Variants in ZNF277 observed in about 807,000 individuals in gnomAD.
The protein encoded by ZNF277 is zinc finger protein 277.
ZNF277 carries 55 observed loss-of-function variants against 60.7 expected under a neutral mutation model. That is an observed-to-expected ratio of 0.91 (90% CI 0.73 to 1.13). ZNF277 has a LOEUF of 1.13. Ranked by LOEUF, ZNF277 falls within the 50% of genes most tolerant of loss-of-function variation. ZNF277 has a pLI of 0.00. For missense variants in ZNF277, 510 were observed against 523.0 expected, an observed-to-expected ratio of 0.98 and a Z score of 0.24; for synonymous variants, 178 against 179.3, an observed-to-expected ratio of 0.99 and a Z score of 0.06.
At chr7:112,262,247 C>CAAAAAAAAA (rs376386868) in intron 1 of ZNF277, among the ~76,000 whole-genome samples, 1 of 77,674 alleles carries the variant, frequency 1.3e-5, no homozygotes, top group Admixed American at 1.4e-4. Flanking sequence ...AAAAGCAATA[C>CAAAAAAAAA]AAAAAAAAAA....
At chr7:112,245,091 A>G (rs1371939328) in intron 1 of ZNF277, among the ~76,000 whole-genome samples, 1 of 151,596 alleles carries the variant, frequency 6.6e-6, no homozygotes, top group African/African-American at 2.4e-5. Flanking sequence ...TCTCACATCT[A>G]CTCTTCTTTT....
chr7:112,296,378 T>TG, intron 4 of ZNF277, 67 bp downstream of exon 4: 1 of 786,472 alleles, frequency 1.3e-6, no homozygotes, highest in South Asian at 2.5e-5. Flanking sequence ...AAAATCATAT[T>TG]GGTTTTTTTT....
chr7:112,247,701 C>T (rs1019231479), intron 1 of ZNF277, among the ~76,000 whole-genome samples: 1 of 152,058 alleles, frequency 6.6e-6, no homozygotes, highest in Non-Finnish European at 1.5e-5. Context: ...GGCACGGATG[C>T]TCATGCCTGT....
chr7:112,278,664 G>A lies in ZNF277; in HGVS notation c.92-8209G>A, dbSNP rs1791872590. Reference sequence around the variant, plus strand: ...TAAGAAAGGTTAAATAACTTGGTCAGGGTTGGTTAATGGGAAGTAATGGGA... The same window carrying A: ...TAAGAAAGGTTAAATAACTTGGTCAAGGTTGGTTAATGGGAAGTAATGGGA... On this transcript the variant is annotated intron_variant, in intron 1 of 11. Transcript: ENST00000361822. Among the ~76,000 whole-genome samples, 3 of 152,100 alleles carry A rather than the reference G, an allele frequency of 2.0e-5. No individual in the cohort carries two copies. The South Asian group carries it at 6.2e-4, about 32-fold the overall frequency.
intron 4 of ZNF277, among the ~76,000 whole-genome samples, chr7:112,301,310 C>G (rs929105433): frequency 2.0e-5 from 3 of 152,090 alleles, no homozygotes; most frequent in African/African-American, 7.2e-5. Flanking sequence ...GCCCTATTCT[C>G]TTCTTCAAAA....
chr7:112,233,724 T>C (rs961636745), intron 1 of ZNF277, among the ~76,000 whole-genome samples: 1 of 152,214 alleles, frequency 6.6e-6, no homozygotes, highest in African/African-American at 2.4e-5. Flanking sequence ...CTGCACAGAA[T>C]ATTCTGAGAC....
chr7:112,219,321 A>C (rs1009445357), intron 1 of ZNF277, among the ~76,000 whole-genome samples: 1 of 151,930 alleles, frequency 6.6e-6, no homozygotes, highest in Non-Finnish European at 1.5e-5. Flanking sequence ...CTTTTACCCT[A>C]TTTTTTCTTC....
rs1491293383 is a variant in ZNF277, at chr7:112,296,379, GGT to G, written c.465+69_465+70del. 7 of 730,154 alleles carry G rather than the reference GGT, an allele frequency of 9.6e-6. No individual in the cohort carries two copies. The African/African-American group carries it at 1.1e-4, about 11-fold the overall frequency. The allele number at this position is 730,154 out of a possible 1,614,324, so 45.2% of individuals were successfully genotyped here. On this transcript the variant is annotated intron_variant, in intron 4 of 11. Transcript: ENST00000361822. ...ATATAAATACATATAAAATCATATTGGTTTTTTTTTTTTTTACTTTTTGTTAT... is the reference window on the plus strand; with the variant it reads ...ATATAAATACATATAAAATCATATTGTTTTTTTTTTTTTACTTTTTGTTAT...
At chr7:112,310,359 C>T (rs1018575944) in intron 4 of ZNF277, among the ~76,000 whole-genome samples, 1 of 151,816 alleles carries the variant, frequency 6.6e-6, no homozygotes, top group Non-Finnish European at 1.5e-5. Flanking sequence ...ACAACAAGGG[C>T]CATCCGAATT....
intron 1 of ZNF277, among the ~76,000 whole-genome samples, chr7:112,226,033 A>C (rs989380496): frequency 1.3e-5 from 2 of 152,194 alleles, no homozygotes; most frequent in Non-Finnish European, 1.5e-5. Flanking sequence ...TGACTATCAC[A>C]ACTTTTTTCT....
At chr7:112,303,841 A>T (rs1016446256) in intron 4 of ZNF277, among the ~76,000 whole-genome samples, 25 of 152,116 alleles carry the variant, frequency 1.6e-4, no homozygotes, top group Admixed American at 5.9e-4. Context: ...ACTCTTAAAA[A>T]GCTATCTCAG....
At chr7:112,244,048 A>G (rs563864581) in intron 1 of ZNF277, among the ~76,000 whole-genome samples, 103 of 152,224 alleles carry the variant, frequency 6.8e-4, no homozygotes, top group African/African-American at 2.4e-3. Flanking sequence ...TAACTCAGAA[A>G]CAGAAAGTCA....
At chr7:112,238,212 A>G (rs559307249) in intron 1 of ZNF277, among the ~76,000 whole-genome samples, 1 of 152,360 alleles carries the variant, frequency 6.6e-6, no homozygotes, top group African/African-American at 2.4e-5. Context: ...CCCATCTCTC[A>G]GCAGTGGCAG....
intron 1 of ZNF277, among the ~76,000 whole-genome samples, chr7:112,285,821 G>A (rs1472248850): frequency 2.0e-5 from 3 of 152,014 alleles, no homozygotes. Flanking sequence ...GATAAAGTAA[G>A]GGAAAAAAAT....
At chr7:112,311,601 G>A (rs919703991) in intron 4 of ZNF277, among the ~76,000 whole-genome samples, 1 of 151,920 alleles carries the variant, frequency 6.6e-6, no homozygotes, top group African/African-American at 2.4e-5. Flanking sequence ...CATCTTTGTG[G>A]TGCTTTTTAT....
intron 1 of ZNF277, among the ~76,000 whole-genome samples, chr7:112,285,054 A>G (rs918958336): frequency 6.6e-6 from 1 of 152,004 alleles, no homozygotes; most frequent in Non-Finnish European, 1.5e-5. Context: ...TTTTTGAGAC[A>G]GAGTCACGCT....
chr7:112,237,108 T>TTAAACAGCC (rs1278597102), intron 1 of ZNF277, among the ~76,000 whole-genome samples: 1 of 152,082 alleles, frequency 6.6e-6, no homozygotes, highest in East Asian at 1.9e-4. Flanking sequence ...TATATGGGAA[T>TTAAACAGCC]TAAACAGCCT....
intron 4 of ZNF277, among the ~76,000 whole-genome samples, chr7:112,314,256 G>A (rs1314715730): frequency 6.6e-6 from 1 of 152,044 alleles, no homozygotes; most frequent in Non-Finnish European, 1.5e-5. Flanking sequence ...GAACCCCTAA[G>A]TGTCAGGCCA....
At chr7:112,335,548 G>A (rs1056657576) in intron 7 of ZNF277, among the ~76,000 whole-genome samples, 2 of 152,100 alleles carry the variant, frequency 1.3e-5, no homozygotes, top group African/African-American at 2.4e-5. Flanking sequence ...ACCTACTCAT[G>A]CCTAGTACTA....
Sources: allele counts gnomAD v4.1 joint callset (sites outside exome capture counted in the v4.1 genomes callset), GRCh38; gene constraint gnomAD v4.1.1; transcripts MANE v1.5; gene names NCBI Gene and HGNC (gene_info 2026-07-23, HGNC 2026-07-21).